ROBO2: variants seen among roughly 807,000 people sequenced by gnomAD.
ROBO2 encodes roundabout homolog 2.
ROBO2 carries 53 observed loss-of-function variants against 160.8 expected under a neutral mutation model. The observed-to-expected ratio is 0.33, with a 90% confidence interval of 0.26 to 0.41. ROBO2 has a LOEUF of 0.41. Among genes scored for constraint, ROBO2 ranks in the 10% least tolerant of loss-of-function variants. The pLI is 1.00. For synonymous variants in ROBO2, 664 were observed against 611.7 expected, an observed-to-expected ratio of 1.09 and a Z score of -1.26; for missense variants, 1,577 against 1,722.4, an observed-to-expected ratio of 0.92 and a Z score of 1.49.
intron 2 of ROBO2, among the ~76,000 whole-genome samples, chr3:77,464,584 C>A (rs2082578582): frequency 6.6e-6 from 1 of 152,152 alleles, no homozygotes; most frequent in Non-Finnish European, 1.5e-5. Context: ...TTTCCTGGAA[C>A]TGTCCTGCAA....
intron 2 of ROBO2, among the ~76,000 whole-genome samples, chr3:77,197,578 T>TG (rs2082419653): frequency 6.6e-6 from 1 of 152,038 alleles, no homozygotes; most frequent in Non-Finnish European, 1.5e-5. Flanking sequence ...ATTTGAACAC[T>TG]GCTGACCTTT....
chr3:76,978,659 T>C (rs2059927956), intron 2 of ROBO2, among the ~76,000 whole-genome samples: 1 of 152,014 alleles, frequency 6.6e-6, no homozygotes, highest in Non-Finnish European at 1.5e-5. Context: ...TGTCTATGTC[T>C]CAGAGAAATA....
intron 2 of ROBO2, among the ~76,000 whole-genome samples, chr3:76,465,905 CA>C (rs1171763698): frequency 1.3e-5 from 2 of 151,588 alleles, no homozygotes; most frequent in South Asian, 2.1e-4. Context: ...TAAGCAAAGA[CA>C]AAAAAACACT....
At chr3:77,098,274 T>C in exon 2 of ROBO2, 1 of 1,614,194 alleles carries the variant, frequency 6.2e-7, no homozygotes, top group Non-Finnish European at 8.5e-7. Context: ...TGAAGGAAGC[T>C]ACGTTTGTGT....
chr3:76,185,215 T>TATATATATATATATATACACAC lies in ROBO2; in HGVS notation c.109+247614_109+247615insTATATATATATATATACACACA. 9.0e-4 allele frequency among the ~76,000 whole-genome samples: 81 copies of TATATATATATATATATACACAC among 90,280 alleles called. 2 individuals carry two copies. Among genetic ancestry groups the TATATATATATATATATACACAC allele is most frequent in the Middle Eastern group, 9.1e-3 (1 of 110 alleles). 59.2% of individuals were successfully genotyped at this position (90,280 alleles called of 152,430 possible). A position where few individuals can be genotyped will look rare whatever the true frequency, so the allele number is the denominator to read the frequency against. ...ACACAGATATATATATATATATATA[T>TATATATATATATATATACACAC]ACACACACAAAGATGTTATATATAC... On this transcript the variant is annotated intron_variant, in intron 2 of 26. Coordinates refer to the ROBO2 transcript ENST00000487694.
At chr3:76,245,168 G>T (rs1461146891) in intron 2 of ROBO2, among the ~76,000 whole-genome samples, 1 of 152,102 alleles carries the variant, frequency 6.6e-6, no homozygotes, top group Non-Finnish European at 1.5e-5. Context: ...TTGTAATCTA[G>T]ACCTTACACA....
At chr3:76,746,834 TTTG>T (rs749236063) in intron 2 of ROBO2, among the ~76,000 whole-genome samples, 15 of 152,148 alleles carry the variant, frequency 9.9e-5, no homozygotes, top group Admixed American at 3.3e-4. Context: ...AGCCCCAGTG[TTTG>T]TTGTTACGCT....
chr3:77,635,325 G>A (rs561838014), intron 24 of ROBO2, among the ~76,000 whole-genome samples: 11 of 151,534 alleles, frequency 7.3e-5, no homozygotes, highest in South Asian at 4.2e-4. Flanking sequence ...TTTTTAGTGA[G>A]CATTTAAGAG....
intron 2 of ROBO2, among the ~76,000 whole-genome samples, chr3:77,114,797 A>G (rs2074035345): frequency 6.6e-6 from 1 of 152,154 alleles, no homozygotes; most frequent in African/African-American, 2.4e-5. Flanking sequence ...TTACTCATAT[A>G]TTTGACTTAC....
At position 76,674,008 on chromosome 3, in the gene ROBO2, C is replaced by T. The variant is rs142432661; in HGVS notation, c.110-424006C>T. On this transcript the variant is annotated intron_variant, in intron 2 of 26. Coordinates refer to the ROBO2 transcript ENST00000487694. ...GCTGGTTTTAGTGCTGTCTTTCATACATTCAGAGTTGGAACTCCCCCTCTG... is the reference window on the plus strand; with the variant it reads ...GCTGGTTTTAGTGCTGTCTTTCATATATTCAGAGTTGGAACTCCCCCTCTG... Among the ~76,000 whole-genome samples, 454 of 152,132 alleles carry T rather than the reference C, an allele frequency of 3.0e-3. 2 individuals carry two copies. Among genetic ancestry groups the T allele is most frequent in the African/African-American group, 0.011 (438 of 41,526 alleles).
chr3:76,402,373 G>A (rs2077880162), intron 2 of ROBO2, among the ~76,000 whole-genome samples: 1 of 151,466 alleles, frequency 6.6e-6, no homozygotes, highest in African/African-American at 2.4e-5. Flanking sequence ...GCATTCAGGT[G>A]GGGCAGCTCT....
At chr3:76,650,492 T>C (rs980291999) in intron 2 of ROBO2, among the ~76,000 whole-genome samples, 3 of 151,706 alleles carry the variant, frequency 2.0e-5, no homozygotes, top group African/African-American at 7.3e-5. Flanking sequence ...TTTTTTTTTT[T>C]ATTTTTTTCT....
intron 2 of ROBO2, among the ~76,000 whole-genome samples, chr3:77,448,483 A>T (rs1370722716): frequency 9.2e-5 from 14 of 152,106 alleles, no homozygotes; most frequent in Non-Finnish European, 1.5e-5. Context: ...TGACACACAC[A>T]AGTGTGAGCC....
chr3:76,878,188 C>CA (rs11417818), intron 2 of ROBO2, among the ~76,000 whole-genome samples: 47,544 of 151,462 alleles, frequency 0.31, 8,078 homozygotes, highest in African/African-American at 0.45. Flanking sequence ...ATGACGTCTT[C>CA]AAAAAAAACC....
intron 2 of ROBO2, among the ~76,000 whole-genome samples, chr3:76,102,716 A>G (rs73114813): frequency 2.0e-5 from 3 of 152,176 alleles, no homozygotes; most frequent in Admixed American, 6.5e-5. Context: ...TTCAATGTTG[A>G]TGAATGAACT....
At chr3:76,683,793 A>G (rs1264059418) in intron 2 of ROBO2, among the ~76,000 whole-genome samples, 2 of 152,128 alleles carry the variant, frequency 1.3e-5, no homozygotes, top group African/African-American at 4.8e-5. Flanking sequence ...CTTTGACTAA[A>G]CGGAGAAGTT....
intron 2 of ROBO2, among the ~76,000 whole-genome samples, chr3:76,793,926 G>C (rs1009295415): frequency 1.3e-5 from 2 of 151,782 alleles, no homozygotes; most frequent in Non-Finnish European, 2.9e-5. Flanking sequence ...TATCCTATTT[G>C]ATTTTTTTGA....
chr3:77,517,967 G>A (rs545738548), intron 5 of ROBO2, among the ~76,000 whole-genome samples: 1 of 151,428 alleles, frequency 6.6e-6, no homozygotes, highest in Non-Finnish European at 1.5e-5. Context: ...GAATAAAGGG[G>A]ATTATTGTAC....
chr3:76,079,479 T>G (rs1322490925), intron 2 of ROBO2, among the ~76,000 whole-genome samples: 1 of 120,894 alleles, frequency 8.3e-6, no homozygotes. Flanking sequence ...ATTATTATTA[T>G]TAGTTTTTTT....
Sources: allele counts gnomAD v4.1 joint callset (sites outside exome capture counted in the v4.1 genomes callset), GRCh38; gene constraint gnomAD v4.1.1; transcripts MANE v1.5; gene names NCBI Gene and HGNC (gene_info 2026-07-23, HGNC 2026-07-21).